Variants in ZC2HC1B observed in about 807,000 individuals in gnomAD.
The protein encoded by ZC2HC1B is zinc finger C2HC domain-containing protein 1B.
A neutral mutation model predicts 31.0 loss-of-function variants in ZC2HC1B; 36 were observed. The ratio of observed to expected loss-of-function variants is 1.16; its 90% CI spans 0.89 to 1.54. ZC2HC1B has a LOEUF of 1.54. Ranked by LOEUF, ZC2HC1B falls within the 40% of genes most tolerant of loss-of-function variation. The probability of loss-of-function intolerance (pLI) is 0.00; values close to 1 mark genes in which losing one functional copy is unlikely to be tolerated. For synonymous variants in ZC2HC1B, 73 were observed against 88.0 expected, an observed-to-expected ratio of 0.83 and a Z score of 0.95; for missense variants, 260 against 268.6, an observed-to-expected ratio of 0.97 and a Z score of 0.22.
rs889054445 is a variant in ZC2HC1B, at chr6:143,922,393, A to T, written c.599-15256A>T. On this transcript the variant is annotated intron_variant, in intron 6 of 7. Transcript: ENST00000237275. The surrounding 1 kb of genome is among the most constrained non-coding windows in gnomAD (Gnocchi z 5.0). ...TATTGTTGTTAACTGCAGTCACCCT[A>T]CTGTGCTATCAAACACTAGAACTTA... Among the ~76,000 whole-genome samples, 1 of 152,170 alleles carries T rather than the reference A, an allele frequency of 6.6e-6. No homozygotes were observed. The highest frequency in any genetic ancestry group is 1.5e-5 in the Non-Finnish European group (1 of 68,014).
chr6:143,930,470 T>G (rs1205435501), intron 6 of ZC2HC1B, among the ~76,000 whole-genome samples: 1 of 145,578 alleles, frequency 6.9e-6, no homozygotes, highest in African/African-American at 2.5e-5. Flanking sequence ...CACTGCAAGC[T>G]CCGCCTCCTG....
chr6:143,916,767 C>T (rs536749038), intron 6 of ZC2HC1B, among the ~76,000 whole-genome samples: 2 of 152,322 alleles, frequency 1.3e-5, no homozygotes, highest in Admixed American at 6.5e-5. Flanking sequence ...CAATGTCTCC[C>T]ATTTGGAATG....
intron 5 of ZC2HC1B, among the ~76,000 whole-genome samples, chr6:143,900,420 A>C (rs1777723241): frequency 6.6e-6 from 1 of 151,884 alleles, no homozygotes; most frequent in East Asian, 1.9e-4. Context: ...AAGAAAAGAA[A>C]AAAGAGGTAC....
In ZC2HC1B at chr6:143,872,980, G is replaced by T. The variant is rs899273052; in HGVS notation, c.28+8413G>T. 2.6e-5 allele frequency among the ~76,000 whole-genome samples: 4 copies of T among 152,056 alleles called. No individual in the cohort carries two copies. The highest frequency in any genetic ancestry group is 9.7e-5 in the African/African-American group (4 of 41,382). ...CATGCCTCCCCAACAGTCTCCCAAA[G>T]TCTTAACTCATTTCAGCATTAATCC... On this transcript the variant is annotated intron_variant, in intron 1 of 7. Transcript: ENST00000237275. The surrounding 1 kb of genome is among the most constrained non-coding windows in gnomAD (Gnocchi z 5.5).
rs574199730 is a variant in ZC2HC1B at position 143,872,700 on chromosome 6, A to T, written c.28+8133A>T. On this transcript the variant is annotated intron_variant, in intron 1 of 7. Transcript: ENST00000237275. The surrounding 1 kb of genome is among the most constrained non-coding windows in gnomAD (Gnocchi z 5.5). ...AAGGCACTACTTACATGGTGGCAGCAAGAGAAAATGAGGAAAAAGCAAAAG... is the reference window on the plus strand; with the variant it reads ...AAGGCACTACTTACATGGTGGCAGCTAGAGAAAATGAGGAAAAAGCAAAAG... Among the ~76,000 whole-genome samples the T allele has an allele frequency of 6.6e-6, 1 of 152,324 alleles. No individual in the cohort carries two copies. Among genetic ancestry groups the T allele is most frequent in the Middle Eastern group, 3.4e-3 (1 of 294 alleles).
At position 143,923,214 on chromosome 6, in the gene ZC2HC1B, A is replaced by G. The variant is rs763796772; in HGVS notation, c.599-14435A>G. Among the ~76,000 whole-genome samples the G allele has an allele frequency of 6.6e-6, 1 of 151,588 alleles. No homozygotes were observed. Among genetic ancestry groups the G allele is most frequent in the Non-Finnish European group, 1.5e-5 (1 of 67,884 alleles). ...GTATGTCTTCTTTTGAGAAATGCCTACTCAGATCCTTTGCCCACTTTTTCA... is the reference window on the plus strand; with the variant it reads ...GTATGTCTTCTTTTGAGAAATGCCTGCTCAGATCCTTTGCCCACTTTTTCA... On this transcript the variant is annotated intron_variant, in intron 6 of 7. Transcript: ENST00000237275. This position sits in a 1 kb window ranked among gnomAD's most constrained non-coding sequence, Gnocchi z 4.8.
At chr6:143,896,273 A>G (rs1332985049) in intron 4 of ZC2HC1B, among the ~76,000 whole-genome samples, 2 of 152,224 alleles carry the variant, frequency 1.3e-5, no homozygotes, top group African/African-American at 2.4e-5. Context: ...TGTAGTACCA[A>G]ACACAGAAGG....
Position 143,884,183 on chromosome 6 carries a change from T to G in ZC2HC1B, c.29-121T>G. 6 of 805,264 alleles carry G rather than the reference T, an allele frequency of 7.5e-6. No individual in the cohort carries two copies. Among genetic ancestry groups the G allele is most frequent in the Non-Finnish European group, 9.3e-6 (5 of 534,892 alleles). 49.9% of individuals were successfully genotyped at this position (805,264 alleles called of 1,614,324 possible). On this transcript the variant is annotated intron_variant, in intron 1 of 7. Coordinates refer to ENST00000237275, the MANE Select transcript of ZC2HC1B (RefSeq NM_001013623.3). This position sits in a 1 kb window ranked among gnomAD's most constrained non-coding sequence, Gnocchi z 5.1. ...GGGTCTTCCCAAAGGGAAGAAGCAG[T>G]TGGTGGGGAGGGAAAAGAGAGTGAG... is the stretch of plus-strand genomic sequence containing the variant.
intron 6 of ZC2HC1B, among the ~76,000 whole-genome samples, chr6:143,920,628 C>T (rs550550863): frequency 3.9e-5 from 6 of 152,062 alleles, no homozygotes; most frequent in Admixed American, 2.0e-4. Context: ...ATGGTTGACA[C>T]GGCTGGGCGT....
chr6:143,881,475 C>T (rs568553093), intron 1 of ZC2HC1B, among the ~76,000 whole-genome samples: 5 of 137,620 alleles, frequency 3.6e-5, no homozygotes, highest in African/African-American at 1.4e-4. Flanking sequence ...TGCTTGAGTC[C>T]AGAAAGTAGA....
In ZC2HC1B at chr6:143,872,930, C is replaced by T. The variant is rs1308488227; in HGVS notation, c.28+8363C>T. 6.6e-6 allele frequency among the ~76,000 whole-genome samples: 1 copy of T among 152,152 alleles called. No individual in the cohort carries two copies. Among genetic ancestry groups the T allele is most frequent in the East Asian group, 1.9e-4 (1 of 5,192 alleles). The stretch of plus-strand genomic sequence containing the variant: ...TTCTGCCCCTGGCCCCTGAAAATCT[C>T]ATGTCCTCACATTTCAAAACCAATC... On this transcript the variant is annotated intron_variant, in intron 1 of 7. Coordinates refer to ENST00000237275, the MANE Select transcript of ZC2HC1B (RefSeq NM_001013623.3). The surrounding 1 kb of genome is among the most constrained non-coding windows in gnomAD (Gnocchi z 5.5).
At chr6:143,910,650 T>C (rs1777845606) in intron 6 of ZC2HC1B, among the ~76,000 whole-genome samples, 1 of 152,250 alleles carries the variant, frequency 6.6e-6, no homozygotes, top group Non-Finnish European at 1.5e-5. Context: ...CATGCTCCTG[T>C]ATTGGGTGCA....
rs1777327955 is a variant in ZC2HC1B at position 143,870,892 on chromosome 6, A to G, written c.28+6325A>G. Among the ~76,000 whole-genome samples the G allele has an allele frequency of 6.6e-6, 1 of 152,096 alleles. No individual in the cohort carries two copies. The highest frequency in any genetic ancestry group is 2.4e-5 in the African/African-American group (1 of 41,428). On this transcript the variant is annotated intron_variant, in intron 1 of 7. Transcript: ENST00000237275. This position sits in a 1 kb window ranked among gnomAD's most constrained non-coding sequence, Gnocchi z 4.7. ...CAGAGCAGCTTGCACAGCAGCCTGG[A>G]CCTGTTGTAGAGCCTTCTCCTGTTC...
chr6:143,875,025 G>A (rs1777388861), intron 1 of ZC2HC1B, among the ~76,000 whole-genome samples: 2 of 152,034 alleles, frequency 1.3e-5, no homozygotes. Flanking sequence ...TAGAGACAGG[G>A]TTTCATCATA....
rs146069322 is a variant in ZC2HC1B, at chr6:143,871,969, G to A, written c.28+7402G>A. Among the ~76,000 whole-genome samples the A allele has an allele frequency of 3.5e-4, 53 of 152,288 alleles. No individual in the cohort carries two copies. In the East Asian group the frequency reaches 6.0e-3, roughly 17 times the overall value. On this transcript the variant is annotated intron_variant, in intron 1 of 7. Transcript: ENST00000237275. This position sits in a 1 kb window ranked among gnomAD's most constrained non-coding sequence, Gnocchi z 4.1. ...TTACCTGACCTCCATAAGCCCGTAC[G>A]TTAACTGGAGGACCATAATGACGTT...
In ZC2HC1B at chr6:143,870,216, T is replaced by TCTGCCCA. The variant is rs1777319773; in HGVS notation, c.28+5653_28+5659dup. Among the ~76,000 whole-genome samples, 1 of 152,208 alleles carries TCTGCCCA rather than the reference T, an allele frequency of 6.6e-6. No homozygotes were observed. Among genetic ancestry groups the TCTGCCCA allele is most frequent in the Admixed American group, 6.5e-5 (1 of 15,284 alleles). ...CACAAGCAAGTGCACTGTTCAAAGT[T>TCTGCCCA]CTGCCCACTGGGAAAATTTTCCCTC... On this transcript the variant is annotated intron_variant, in intron 1 of 7. Coordinates refer to ENST00000237275, the MANE Select transcript of ZC2HC1B (RefSeq NM_001013623.3). This position sits in a 1 kb window ranked among gnomAD's most constrained non-coding sequence, Gnocchi z 4.7.
chr6:143,927,217 G>A (rs1028103677), intron 6 of ZC2HC1B, among the ~76,000 whole-genome samples: 1 of 152,130 alleles, frequency 6.6e-6, no homozygotes. Flanking sequence ...ATTGCGTAGT[G>A]TTGAGGTCTG....
chr6:143,920,051 A>G (rs1355454519), intron 6 of ZC2HC1B, among the ~76,000 whole-genome samples: 3 of 152,274 alleles, frequency 2.0e-5, no homozygotes, highest in African/African-American at 4.8e-5. Context: ...ACTTTTACCA[A>G]TAAGCTTTTT....
At chr6:143,926,707 G>T (rs1238191674) in intron 6 of ZC2HC1B, among the ~76,000 whole-genome samples, 1 of 151,640 alleles carries the variant, frequency 6.6e-6, no homozygotes, top group East Asian at 1.9e-4. Context: ...AGAGAGTAGG[G>T]TGTTGAAGTC....
Sources: gnomAD v4.1 joint callset for allele counts (sites outside exome capture counted in the v4.1 genomes callset) on GRCh38, gnomAD v4.1.1 for gene constraint, Gnocchi (gnomAD v3.1) non-coding constraint, MANE v1.5 for transcripts, NCBI Gene and HGNC (gene_info 2026-07-23, HGNC 2026-07-21) for gene names.